PAPSS1: variants seen among roughly 807,000 people sequenced by gnomAD.
The protein encoded by PAPSS1 is 3'-phosphoadenosine 5'-phosphosulfate synthase 1.
Under a neutral mutation model 72.0 loss-of-function variants are expected in PAPSS1, and 50 were observed. The ratio of observed to expected loss-of-function variants is 0.69; its 90% CI spans 0.55 to 0.88. PAPSS1 has a LOEUF of 0.88. PAPSS1 is among the 40% of genes least tolerant of loss of function. PAPSS1 has a pLI of 0.00. For missense variants in PAPSS1, 657 were observed against 782.2 expected, an observed-to-expected ratio of 0.84 and a Z score of 1.91; for synonymous variants, 261 against 263.6, an observed-to-expected ratio of 0.99 and a Z score of 0.09.
Position 107,707,083 on chromosome 4 carries a change from G to A in PAPSS1, c.61-5798C>T, listed in dbSNP as rs117152784. Among the ~76,000 whole-genome samples the A allele has an allele frequency of 7.9e-5, 12 of 152,338 alleles. No homozygotes were observed. In the East Asian group the frequency reaches 2.1e-3, roughly 27 times the overall value. ...ATGGGAGCTGGTATAGTGCTGAGATGTATTGGGATGGTCCTGAAACCTTGG... is the reference window on the plus strand; with the variant it reads ...ATGGGAGCTGGTATAGTGCTGAGATATATTGGGATGGTCCTGAAACCTTGG... On this transcript the variant is annotated intron_variant, in intron 1 of 11. Transcript: ENST00000265174.
At chr4:107,655,361 G>C (rs548142832) in intron 7 of PAPSS1, among the ~76,000 whole-genome samples, 1 of 152,290 alleles carries the variant, frequency 6.6e-6, no homozygotes, top group South Asian at 2.1e-4. Flanking sequence ...TATGTGGCAA[G>C]TTGATTAAGT....
At chr4:107,669,482 C>A (rs1342633719) in intron 5 of PAPSS1, among the ~76,000 whole-genome samples, 1 of 152,140 alleles carries the variant, frequency 6.6e-6, no homozygotes, top group Admixed American at 6.5e-5. Flanking sequence ...AACAAAATAA[C>A]AGTGGTGAAG....
chr4:107,627,264 C>G (rs1178683462), intron 11 of PAPSS1, among the ~76,000 whole-genome samples: 1 of 152,152 alleles, frequency 6.6e-6, no homozygotes, highest in East Asian at 1.9e-4. Context: ...AATGGAAATT[C>G]ACCTAAGTTT....
chr4:107,710,242 C>T (rs891349777), intron 1 of PAPSS1, among the ~76,000 whole-genome samples: 1 of 152,040 alleles, frequency 6.6e-6, no homozygotes, highest in Non-Finnish European at 1.5e-5. Context: ...CTTCTGTGCC[C>T]TAGTTTCCAT....
At chr4:107,657,740 G>A (rs1727058777) in intron 6 of PAPSS1, among the ~76,000 whole-genome samples, 1 of 138,950 alleles carries the variant, frequency 7.2e-6, no homozygotes, top group Non-Finnish European at 1.6e-5. Context: ...GTGAGACCAT[G>A]TCTCAAAAAA....
rs1256169265 is a variant in PAPSS1, at chr4:107,693,871, T to C, written c.311A>G (p.Glu104Gly). The C allele has an allele frequency of 6.2e-7, 1 of 1,613,972 alleles. No individual in the cohort carries two copies. The highest frequency in any genetic ancestry group is 1.1e-5 in the South Asian group (1 of 91,086). The change falls in exon 3 of 12, where the codon GAA becomes GGA. Residue 104 changes from glutamate to glycine, a missense_variant. By Grantham distance (98) the Glu-to-Gly change is moderately conservative. Coordinates refer to ENST00000265174, the MANE Select transcript of PAPSS1 (RefSeq NM_005443.5). The part of the protein sequence containing the change: ...GLNKNLGFSP[E>G]DREENVRRIA... The stretch of plus-strand genomic sequence containing the variant: ...GCGTCGAACATTCTCTTCTCTGTCT[T>C]CAGGACTAAAGCCAAGATTTTTATT...
intron 11 of PAPSS1, among the ~76,000 whole-genome samples, chr4:107,623,158 G>A (rs1356132093): frequency 1.3e-5 from 2 of 152,112 alleles, no homozygotes; most frequent in Admixed American, 6.5e-5. Flanking sequence ...TATGTTCCAT[G>A]TGGATACTTT....
chr4:107,683,442 C>G lies in PAPSS1; in HGVS notation c.551-1309G>C, dbSNP rs76016303. 3.1e-3 allele frequency among the ~76,000 whole-genome samples: 470 copies of G among 152,156 alleles called. 1 individual carries two copies. Among genetic ancestry groups the G allele is most frequent in the African/African-American group, 0.011 (455 of 41,518 alleles). The stretch of plus-strand genomic sequence containing the variant: ...AAATGCGGTGATATACTGGAATCAC[C>G]AGGTCCCACCCCATGAGATTGATTT... On this transcript the variant is annotated intron_variant, in intron 4 of 11. Coordinates refer to ENST00000265174, the MANE Select transcript of PAPSS1 (RefSeq NM_005443.5).
chr4:107,674,727 T>C (rs1408395962), intron 5 of PAPSS1, among the ~76,000 whole-genome samples: 1 of 151,918 alleles, frequency 6.6e-6, no homozygotes, highest in Non-Finnish European at 1.5e-5. Context: ...CAACAGAATA[T>C]ACATTATTCT....
chr4:107,665,533 G>A (rs1727293039), intron 5 of PAPSS1, among the ~76,000 whole-genome samples: 1 of 152,078 alleles, frequency 6.6e-6, no homozygotes, highest in Admixed American at 6.5e-5. Flanking sequence ...GAAAAAGTCT[G>A]CACACACCTG....
chr4:107,621,606 A>ATTTTT (rs1382723816), intron 11 of PAPSS1, among the ~76,000 whole-genome samples: 14 of 50,510 alleles, frequency 2.8e-4, no homozygotes, highest in Non-Finnish European at 5.2e-4. Context: ...CAGGTTTTTT[A>ATTTTT]TCTTTTTTTT....
rs199851268 is a variant in PAPSS1 at position 107,687,185 on chromosome 4, A to T, written c.412-8T>A. ...CCTTGCATTGTTGCGATCCTTAAAA[A>T]AAAATAAAATAAAAAGTGATCACAC... On this transcript the variant is annotated splice_polypyrimidine_tract_variant and splice_region_variant and intron_variant, in intron 3 of 11. Transcript: ENST00000265174. 1.2e-5 allele frequency: 18 copies of T among 1,545,324 alleles called. No homozygotes were observed. The highest frequency in any genetic ancestry group is 1.7e-4 in the Middle Eastern group (1 of 5,796).
At chr4:107,657,495 G>A (rs1031622265) in intron 6 of PAPSS1, among the ~76,000 whole-genome samples, 1 of 152,114 alleles carries the variant, frequency 6.6e-6, no homozygotes, top group Non-Finnish European at 1.5e-5. Flanking sequence ...AACAAAGCAG[G>A]CAGATCACCT....
At chr4:107,703,425 A>AT (rs2125937886) in intron 1 of PAPSS1, among the ~76,000 whole-genome samples, 1 of 151,986 alleles carries the variant, frequency 6.6e-6, no homozygotes, top group East Asian at 1.9e-4. Flanking sequence ...AAAAAAAAAA[A>AT]AAATCACTGC....
At chr4:107,719,825 T>G in intron 1 of PAPSS1, 7 of 1,272,400 alleles carry the variant, frequency 5.5e-6, no homozygotes, top group Non-Finnish European at 6.9e-6. Context: ...GGGTGAAGGA[T>G]TTTCCTGGGG....
intron 1 of PAPSS1, among the ~76,000 whole-genome samples, chr4:107,717,714 CTAATATCACCCT>C (rs1226826465): frequency 1.3e-5 from 2 of 152,214 alleles, no homozygotes; most frequent in East Asian, 3.8e-4. Flanking sequence ...TTGTGTTTAA[CTAATATCACCCT>C]TACCCCCGTG....
intron 10 of PAPSS1, among the ~76,000 whole-genome samples, chr4:107,634,243 C>T (rs186511738): frequency 3.7e-4 from 57 of 152,082 alleles, no homozygotes; most frequent in Non-Finnish European, 6.8e-4. Context: ...CTTGAACTCC[C>T]GTGCTGAAAT....
chr4:107,679,319 A>C (rs1192002302), intron 5 of PAPSS1, among the ~76,000 whole-genome samples: 1 of 152,164 alleles, frequency 6.6e-6, no homozygotes, highest in East Asian at 1.9e-4. Context: ...AGGAACACTA[A>C]GAAAAACCCA....
intron 9 of PAPSS1, among the ~76,000 whole-genome samples, chr4:107,652,101 C>A (rs1471489117): frequency 6.6e-6 from 1 of 152,162 alleles, no homozygotes; most frequent in African/African-American, 2.4e-5. Context: ...CTCTGGTTCA[C>A]AAACATGGTT....
Sources: gnomAD v4.1 joint callset for allele counts (sites outside exome capture counted in the v4.1 genomes callset) on GRCh38, gnomAD v4.1.1 for gene constraint, MANE v1.5 for transcripts, NCBI Gene and HGNC (gene_info 2026-07-23, HGNC 2026-07-21) for gene names.